Variants in DIP2A observed in about 807,000 individuals in gnomAD.
The protein encoded by DIP2A is DIP2 acetate--CoA ligase A.
Under a neutral mutation model 177.4 loss-of-function variants are expected in DIP2A, and 85 were observed. That is an observed-to-expected ratio of 0.48 (90% CI 0.40 to 0.57). DIP2A has a LOEUF of 0.57. Among genes scored for constraint, DIP2A ranks in the 20% least tolerant of loss-of-function variants. The probability of loss-of-function intolerance (pLI) is 0.00; values close to 1 mark genes in which losing one functional copy is unlikely to be tolerated. For synonymous variants in DIP2A, 886 were observed against 881.8 expected, an observed-to-expected ratio of 1.00 and a Z score of -0.08; for missense variants, 1,791 against 2,100.2, an observed-to-expected ratio of 0.85 and a Z score of 2.88.
chr21:46,525,502 T>G (rs910500503), intron 8 of DIP2A: 4 of 152,222 alleles, frequency 2.6e-5, no homozygotes, highest in Non-Finnish European at 5.9e-5. Context: ...TTTCACTGAT[T>G]TATTTTCTAT....
At chr21:46,506,922 T>A (rs1449315281) in intron 6 of DIP2A, among the ~76,000 whole-genome samples, 1 of 150,238 alleles carries the variant, frequency 6.7e-6, no homozygotes, top group South Asian at 2.1e-4. Context: ...TGCCTCAGTC[T>A]CGTGAGTAGC....
intron 1 of DIP2A, among the ~76,000 whole-genome samples, chr21:46,477,559 GTGTGTGTGTATTTC>G (rs2055980784): frequency 7.5e-6 from 1 of 134,008 alleles, no homozygotes; most frequent in Non-Finnish European, 1.6e-5. Flanking sequence ...GTGTGTGTGT[GTGTGTGTGTATTTC>G]TTTTTTTTTT....
At chr21:46,473,008 C>A (rs2055530751) in intron 1 of DIP2A, among the ~76,000 whole-genome samples, 1 of 152,176 alleles carries the variant, frequency 6.6e-6, no homozygotes, top group Non-Finnish European at 1.5e-5. Flanking sequence ...ATTTAATTTA[C>A]TTTTAATTAA....
chr21:46,577,206 G>T, the DIP2A span, among the ~76,000 whole-genome samples: 4 of 152,056 alleles, frequency 2.6e-5, no homozygotes, highest in Non-Finnish European at 4.4e-5. Flanking sequence ...ATCTCTGTCC[G>T]TGCCTATGTC....
intron 1 of DIP2A, among the ~76,000 whole-genome samples, chr21:46,472,992 T>G (rs2055529556): frequency 6.6e-6 from 1 of 152,236 alleles, no homozygotes; most frequent in African/African-American, 2.4e-5. Flanking sequence ...GGGAACTGAT[T>G]GTTCAATTTA....
At chr21:46,531,550 T>C (rs1227637122) in intron 9 of DIP2A, among the ~76,000 whole-genome samples, 2 of 152,220 alleles carry the variant, frequency 1.3e-5, no homozygotes, top group Non-Finnish European at 2.9e-5. Flanking sequence ...AAAACATTCT[T>C]ACAAGGATAA....
intron 9 of DIP2A, among the ~76,000 whole-genome samples, chr21:46,530,162 A>G (rs1178209596): frequency 2.6e-5 from 4 of 152,184 alleles, no homozygotes; most frequent in African/African-American, 9.7e-5. Context: ...GGTATACTAG[A>G]AAGTCCAGGG....
At chr21:46,539,790 G>T (rs1270976137) in intron 16 of DIP2A, 87 bp from the exon 17 acceptor site, 2 of 1,108,242 alleles carry the variant, frequency 1.8e-6, no homozygotes, top group East Asian at 2.3e-5. Flanking sequence ...ATGGCCGCAG[G>T]CTGCGCTAAC....
At chr21:46,509,399 C>G in intron 7 of DIP2A, 23 bp downstream of exon 7, 1 of 1,592,348 alleles carries the variant, frequency 6.3e-7, no homozygotes, top group Non-Finnish European at 8.5e-7. Flanking sequence ...CAACTTTGAG[C>G]TTTTCTGTTT....
intron 8 of DIP2A, among the ~76,000 whole-genome samples, chr21:46,521,450 A>T (rs957612932): frequency 6.6e-6 from 1 of 152,120 alleles, no homozygotes; most frequent in African/African-American, 2.4e-5. Context: ...TGGCCTCCCA[A>T]ATTGCTGGGA....
At chr21:46,492,348 A>G (rs1336755000) in intron 3 of DIP2A, among the ~76,000 whole-genome samples, 4 of 152,142 alleles carry the variant, frequency 2.6e-5, no homozygotes, top group Admixed American at 1.3e-4. Context: ...CTATTGATCT[A>G]TTCGTCTGTC....
chr21:46,526,337 G>A (rs1037273360), intron 8 of DIP2A, among the ~76,000 whole-genome samples: 4 of 151,006 alleles, frequency 2.6e-5, no homozygotes, highest in Non-Finnish European at 4.4e-5. Context: ...ACAGTCTCAA[G>A]TACTTAGTGT....
chr21:46,583,399 A>T, the DIP2A span, among the ~76,000 whole-genome samples: 2 of 149,920 alleles, frequency 1.3e-5, 1 homozygote, highest in Admixed American at 1.3e-4. Context: ...ACAAGAAAGT[A>T]TACATTCTTC....
At chr21:46,516,415 C>T (rs1326055424) in intron 8 of DIP2A, among the ~76,000 whole-genome samples, 1 of 146,072 alleles carries the variant, frequency 6.8e-6, no homozygotes, top group East Asian at 2.0e-4. Flanking sequence ...TGCATTCTTT[C>T]TTATATATAC....
intron 1 of DIP2A, among the ~76,000 whole-genome samples, chr21:46,461,556 C>T (rs2054316517): frequency 6.6e-6 from 1 of 152,108 alleles, no homozygotes; most frequent in Non-Finnish European, 1.5e-5. Flanking sequence ...TAGGCATTGA[C>T]AATTGAATCC....
At chr21:46,479,134 G>A (rs1006950947) in intron 1 of DIP2A, among the ~76,000 whole-genome samples, 5 of 152,144 alleles carry the variant, frequency 3.3e-5, no homozygotes, top group Non-Finnish European at 7.4e-5. Context: ...TGCTTTCCAG[G>A]GCACCTCGTC....
In DIP2A at chr21:46,490,658, C is replaced by T. The variant is rs1601476775; in HGVS notation, c.222C>T (p.Ala74=). The T allele has an allele frequency of 3.8e-6, 6 of 1,589,948 alleles. No individual in the cohort carries two copies. The highest frequency in any genetic ancestry group is 2.3e-5 in the East Asian group (1 of 43,746). The change falls in exon 3 of 38, where the codon GCC becomes GCT. Residue 74 remains alanine (A), a synonymous_variant. Coordinates refer to ENST00000417564, the MANE Select transcript of DIP2A (RefSeq NM_015151.4). ...NRIPGPSQTT[A]AAPKQQKSRP... ...TTCCTGGGCCCTCACAAACCACGGC[C>T]GCTGCACCCAAGCAGCAGAAGTCTC...
rs564098663 is a variant in DIP2A at position 46,545,582 on chromosome 21, A to G, written c.2314-299A>G. ...ATAGGAAGGCACTCACCGTGGCCCC[A>G]GGGAAACCAGCCCTCTGCTATATTT... is the stretch of plus-strand genomic sequence containing the variant. On this transcript the variant is annotated intron_variant, in intron 19 of 37. Transcript: ENST00000417564. 7.9e-5 allele frequency among the ~76,000 whole-genome samples: 12 copies of G among 152,350 alleles called. No homozygotes were observed. In the South Asian group the frequency reaches 2.3e-3, roughly 29 times the overall value.
chr21:46,470,100 G>A (rs1216309615), intron 1 of DIP2A, among the ~76,000 whole-genome samples: 2 of 152,174 alleles, frequency 1.3e-5, no homozygotes, highest in Admixed American at 6.5e-5. Context: ...CTCTTTGGGA[G>A]GCCAAGGCAG....
Sources: gnomAD v4.1 joint callset for allele counts (sites outside exome capture counted in the v4.1 genomes callset) on GRCh38, gnomAD v4.1.1 for gene constraint, MANE v1.5 for transcripts, NCBI Gene and HGNC (gene_info 2026-07-23, HGNC 2026-07-21) for gene names.